The following FOXO1 variants were observed in gnomAD, a reference collection of about 807,000 sequenced individuals.
FOXO1 encodes forkhead box protein O1.
In FOXO1, 6 loss-of-function variants were observed where a neutral mutation model predicts 44.1. The ratio of observed to expected loss-of-function variants is 0.14; its 90% CI spans 0.07 to 0.27. The LOEUF is 0.27. FOXO1 is among the 10% of genes least tolerant of loss of function. The probability of loss-of-function intolerance (pLI) is 1.00; values close to 1 mark genes in which losing one functional copy is unlikely to be tolerated. For missense variants in FOXO1, 737 were observed against 888.8 expected (o/e 0.83, Z 2.17); for synonymous variants, 380 against 362.7 (o/e 1.05, Z -0.54).
chr13:40,598,161 A>T (rs963977059), intron 1 of FOXO1, among the ~76,000 whole-genome samples: 56 of 152,226 alleles, frequency 3.7e-4, no homozygotes, highest in African/African-American at 1.2e-3. Flanking sequence ...AGTTCAGAGG[A>T]GGGAAATGGA....
intron 1 of FOXO1, among the ~76,000 whole-genome samples, chr13:40,563,330 G>A (rs1017227099): frequency 1.3e-5 from 2 of 152,202 alleles, no homozygotes; most frequent in African/African-American, 4.8e-5. Context: ...GAAAATGGAG[G>A]GGTCTCACTT....
intron 1 of FOXO1, among the ~76,000 whole-genome samples, chr13:40,595,138 T>G (rs1252992607): frequency 6.6e-6 from 1 of 152,170 alleles, no homozygotes; most frequent in Non-Finnish European, 1.5e-5. Context: ...AAAACTGAGA[T>G]GGAGCGATTA....
At chr13:40,569,467 C>T (rs535014556) in intron 1 of FOXO1, among the ~76,000 whole-genome samples, 1 of 152,266 alleles carries the variant, frequency 6.6e-6, no homozygotes, top group East Asian at 1.9e-4. Context: ...AATACATAAA[C>T]AACAATTTTT....
At chr13:40,605,575 C>G (rs560115964) in intron 1 of FOXO1, among the ~76,000 whole-genome samples, 24 of 152,262 alleles carry the variant, frequency 1.6e-4, no homozygotes, top group African/African-American at 5.5e-4. Context: ...TGCTCCTCCC[C>G]CTGAATCTCC....
At chr13:40,656,454 G>A (rs545881008) in intron 1 of FOXO1, among the ~76,000 whole-genome samples, 2 of 152,260 alleles carry the variant, frequency 1.3e-5, no homozygotes, top group East Asian at 1.9e-4. Context: ...CCAGGACACT[G>A]GGCCTCACTG....
chr13:40,592,264 CTAAT>C (rs981690876), intron 1 of FOXO1, among the ~76,000 whole-genome samples: 1 of 152,168 alleles, frequency 6.6e-6, no homozygotes, highest in African/African-American at 2.4e-5. Flanking sequence ...TCCAGACAAA[CTAAT>C]TGAGGACCTG....
chr13:40,626,766 C>T (rs1166617004), intron 1 of FOXO1, among the ~76,000 whole-genome samples: 1 of 152,190 alleles, frequency 6.6e-6, no homozygotes, highest in Non-Finnish European at 1.5e-5. Flanking sequence ...CCATCAGACA[C>T]TGCCCCGATG....
rs192900592 is a variant in FOXO1 at position 40,574,326 on chromosome 13, T to C, written c.631-13466A>G. Among the ~76,000 whole-genome samples the C allele has an allele frequency of 9.8e-5, 15 of 152,312 alleles. No individual in the cohort carries two copies. The East Asian group carries it at 2.9e-3, about 29-fold the overall frequency. Reference sequence around the variant, plus strand: ...AGAAGTCAGGGCGTGTATGTCTGTGTCCAAGTTAGATCATTACTGCGCGTG... The same window carrying C: ...AGAAGTCAGGGCGTGTATGTCTGTGCCCAAGTTAGATCATTACTGCGCGTG... On this transcript the variant is annotated intron_variant, in intron 1 of 2. Transcript: ENST00000379561.
chr13:40,560,038 C>T lies in FOXO1; in HGVS notation c.1453G>A (p.Ala485Thr). ...CCCAGAACCCGGCTGTTGGGCTGGG[C>T]TACCCCAGGATCAACTGGTGTCATA... ...DIMTPVDPGV[A>T]QPNSRVLGQN... Residue 485 changes from alanine (A) to threonine (T), a missense_variant, in exon 2 of 3, where the codon GCC becomes ACC. Transcript: ENST00000379561. This position sits in a 1 kb window ranked among gnomAD's most constrained non-coding sequence, Gnocchi z 5.1. 2 of 1,614,102 alleles carry T rather than the reference C, an allele frequency of 1.2e-6. No individual in the cohort carries two copies. Among genetic ancestry groups the T allele is most frequent in the South Asian group, 1.1e-5 (1 of 91,072 alleles).
At chr13:40,579,550 A>C in intron 1 of FOXO1, among the ~76,000 whole-genome samples, 1 of 151,690 alleles carries the variant, frequency 6.6e-6, no homozygotes, top group Non-Finnish European at 1.5e-5. Context: ...CAAGCAAAGA[A>C]GGGGGAAAGA....
intron 1 of FOXO1, among the ~76,000 whole-genome samples, chr13:40,659,952 C>G (rs1877985120): frequency 6.6e-6 from 1 of 152,194 alleles, no homozygotes; most frequent in South Asian, 2.1e-4. Flanking sequence ...TTCTGTGCCA[C>G]TGACTTGATT....
At chr13:40,619,733 C>T in intron 1 of FOXO1, 1 of 949,088 alleles carries the variant, frequency 1.1e-6, no homozygotes, top group Non-Finnish European at 1.7e-6. Flanking sequence ...GGATCTTTCT[C>T]AACAGTAGGA....
At chr13:40,627,083 T>A (rs894582480) in intron 1 of FOXO1, among the ~76,000 whole-genome samples, 2 of 152,188 alleles carry the variant, frequency 1.3e-5, no homozygotes, top group African/African-American at 2.4e-5. Context: ...ATTAGAACAC[T>A]GCAATCACCT....
At chr13:40,602,009 G>A (rs1016676548) in intron 1 of FOXO1, among the ~76,000 whole-genome samples, 3 of 152,282 alleles carry the variant, frequency 2.0e-5, no homozygotes, top group Non-Finnish European at 4.4e-5. Context: ...GGCACTAGCT[G>A]AAACTACATG....
chr13:40,579,867 T>C (rs1874893840), intron 1 of FOXO1, among the ~76,000 whole-genome samples: 1 of 152,194 alleles, frequency 6.6e-6, no homozygotes, highest in Non-Finnish European at 1.5e-5. Context: ...GGAAAGTTTA[T>C]TTACAACACC....
At chr13:40,564,616 CAGA>C (rs1278126502) in intron 1 of FOXO1, among the ~76,000 whole-genome samples, 2 of 152,168 alleles carry the variant, frequency 1.3e-5, no homozygotes, top group South Asian at 2.1e-4. Flanking sequence ...AGCAGTTCAC[CAGA>C]AGGACTTCGC....
chr13:40,592,591 C>T (rs1875423138), intron 1 of FOXO1, among the ~76,000 whole-genome samples: 1 of 152,230 alleles, frequency 6.6e-6, no homozygotes, highest in South Asian at 2.1e-4. Context: ...ACAACCAGAA[C>T]TACAGCATCA....
At chr13:40,577,046 T>C (rs972263136) in intron 1 of FOXO1, among the ~76,000 whole-genome samples, 2 of 152,182 alleles carry the variant, frequency 1.3e-5, no homozygotes, top group Non-Finnish European at 2.9e-5. Context: ...TGCAACAAAA[T>C]ACTCATGCAT....
chr13:40,646,292 C>CTTT (rs199747779), intron 1 of FOXO1, among the ~76,000 whole-genome samples: 1 of 129,872 alleles, frequency 7.7e-6, no homozygotes, highest in Non-Finnish European at 1.6e-5. Context: ...CTTCTGTGAC[C>CTTT]TTTTTTTTTT....
Sources: gnomAD v4.1 joint callset for allele counts (sites outside exome capture counted in the v4.1 genomes callset) on GRCh38, gnomAD v4.1.1 for gene constraint, Gnocchi (gnomAD v3.1) non-coding constraint, MANE v1.5 for transcripts, NCBI Gene and HGNC (gene_info 2026-07-23, HGNC 2026-07-21) for gene names.